LRP1B: variants seen among roughly 807,000 people sequenced by gnomAD.
LRP1B encodes low-density lipoprotein receptor-related protein 1B.
LRP1B carries 217 observed loss-of-function variants against 556.6 expected under a neutral mutation model. That is an observed-to-expected ratio of 0.39 (90% CI 0.35 to 0.44). The LOEUF is 0.44. Among genes scored for constraint, LRP1B ranks in the 20% least tolerant of loss-of-function variants. LRP1B has a pLI of 1.00. For missense variants in LRP1B, 5,053 were observed against 5,620.8 expected, an observed-to-expected ratio of 0.90 and a Z score of 3.23; for synonymous variants, 2,047 against 1,865.8, an observed-to-expected ratio of 1.10 and a Z score of -2.50.
At chr2:141,545,395 G>A (rs1685515498) in intron 2 of LRP1B, among the ~76,000 whole-genome samples, 1 of 152,178 alleles carries the variant, frequency 6.6e-6, no homozygotes, top group African/African-American at 2.4e-5. Flanking sequence ...AAAATAATGG[G>A]CCTTCAAAGA....
intron 57 of LRP1B, among the ~76,000 whole-genome samples, chr2:140,489,975 T>C (rs1431150139): frequency 1.3e-5 from 2 of 152,124 alleles, no homozygotes; most frequent in African/African-American, 4.8e-5. Context: ...TGGTCATTTT[T>C]CTACAGCTTT....
At chr2:141,069,379 C>A (rs4954876) in intron 7 of LRP1B, among the ~76,000 whole-genome samples, 85,230 of 151,802 alleles carry the variant, frequency 0.56, 24,250 homozygotes, top group Non-Finnish European at 0.6. Flanking sequence ...TTTATTTTTT[C>A]TTTTTATCCA....
intron 3 of LRP1B, among the ~76,000 whole-genome samples, chr2:141,456,317 C>A (rs11902970): frequency 1.3e-5 from 2 of 152,096 alleles, no homozygotes; most frequent in African/African-American, 4.8e-5. Context: ...AAATGTCCTG[C>A]CTTGATTTCC....
At chr2:141,883,614 C>G (rs1350508325) in intron 1 of LRP1B, among the ~76,000 whole-genome samples, 1 of 152,002 alleles carries the variant, frequency 6.6e-6, no homozygotes, top group African/African-American at 2.4e-5. Flanking sequence ...GCCTCAGCTA[C>G]AGTGAAGGCT....
chr2:141,510,339 CTTT>C (rs1684081606), intron 2 of LRP1B, among the ~76,000 whole-genome samples: 1 of 151,728 alleles, frequency 6.6e-6, no homozygotes, highest in South Asian at 2.1e-4. Flanking sequence ...TCCTAAAACC[CTTT>C]TTTACACAAA....
intron 23 of LRP1B, among the ~76,000 whole-genome samples, chr2:140,893,018 A>T (rs539722121): frequency 6.6e-6 from 1 of 152,260 alleles, no homozygotes; most frequent in African/African-American, 2.4e-5. Context: ...GAAGAGGGGT[A>T]GGCTTTCGAA....
chr2:140,670,614 G>T (rs1171564391), intron 41 of LRP1B, among the ~76,000 whole-genome samples: 2 of 152,016 alleles, frequency 1.3e-5, no homozygotes, highest in Non-Finnish European at 2.9e-5. Context: ...TTCCCTGAAG[G>T]GTAAAACATA....
At chr2:140,787,597 T>G (rs1689953951) in intron 32 of LRP1B, among the ~76,000 whole-genome samples, 1 of 118,088 alleles carries the variant, frequency 8.5e-6, no homozygotes. Context: ...TTGAGACAGG[T>G]TCTCATTCTG....
At chr2:141,900,376 G>C (rs1291278694) in intron 1 of LRP1B, among the ~76,000 whole-genome samples, 1 of 152,078 alleles carries the variant, frequency 6.6e-6, no homozygotes, top group East Asian at 1.9e-4. Flanking sequence ...AAATTAGCTA[G>C]CTGGTTATAC....
At chr2:141,393,772 A>G (rs1690141930) in intron 3 of LRP1B, among the ~76,000 whole-genome samples, 1 of 152,200 alleles carries the variant, frequency 6.6e-6, no homozygotes, top group Non-Finnish European at 1.5e-5. Flanking sequence ...TGATGACATC[A>G]AAAAGCCCTC....
At chr2:141,517,259 T>TACACACACACACACACACACACACAC (rs71281835) in intron 2 of LRP1B, among the ~76,000 whole-genome samples, 23 of 141,390 alleles carry the variant, frequency 1.6e-4, no homozygotes, top group East Asian at 2.2e-4. Context: ...AGGACAAGAA[T>TACACACACACACACACACACACACAC]ACGCACACAC....
chr2:141,414,115 T>C (rs1314844896), intron 3 of LRP1B, among the ~76,000 whole-genome samples: 2 of 151,402 alleles, frequency 1.3e-5, no homozygotes, highest in Non-Finnish European at 2.9e-5. Context: ...CGGGTGCCTG[T>C]AGTCCCAGCT....
intron 79 of LRP1B, among the ~76,000 whole-genome samples, chr2:140,333,222 A>G (rs6741490): frequency 0.04 from 6,054 of 152,122 alleles, 179 homozygotes; most frequent in African/African-American, 0.077. Flanking sequence ...TCTCTCTTTC[A>G]ATATCCCCCT....
intron 41 of LRP1B, among the ~76,000 whole-genome samples, chr2:140,609,767 C>A (rs569772785): frequency 2.4e-4 from 37 of 152,262 alleles, no homozygotes; most frequent in African/African-American, 8.4e-4. Context: ...CTGATCACTG[C>A]CGTTACCTCT....
rs369651702 is a variant in LRP1B at position 140,350,961 on chromosome 2, C to T, written c.11728G>A (p.Asp3910Asn). 52 of 1,609,506 alleles carry T rather than the reference C, an allele frequency of 3.2e-5. No individual in the cohort carries two copies. In the Middle Eastern group the frequency reaches 9.9e-4, roughly 31 times the overall value. Residue 3910 changes from aspartate to asparagine, a missense_variant, in exon 77 of 91, where the codon GAT (aspartate) becomes AAT (asparagine). Physicochemically the swap from Asp to Asn is conservative, Grantham distance 23 (BLOSUM62 1). Around this residue, in one of 5 missense-constraint regions of LRP1B, gnomAD observed 599 missense variants for 648.4 expected, o/e 0.92. Coordinates refer to ENST00000389484, the MANE Select transcript of LRP1B (RefSeq NM_018557.3). ...GFIYPFNYSG[D>N]HQQISHIEHN... ...TCAATATGAGAAATTTGTTGATGATCGCCACTGTAGTTGAATGGATATATA... is the reference window on the plus strand; with the variant it reads ...TCAATATGAGAAATTTGTTGATGATTGCCACTGTAGTTGAATGGATATATA...
At chr2:140,963,211 C>T (rs1696090432) in intron 18 of LRP1B, among the ~76,000 whole-genome samples, 1 of 150,786 alleles carries the variant, frequency 6.6e-6, no homozygotes, top group Admixed American at 6.6e-5. Context: ...TAATATTAAC[C>T]AATAAAGGAT....
At chr2:140,616,388 A>G (rs531141039) in intron 41 of LRP1B, among the ~76,000 whole-genome samples, 6 of 151,988 alleles carry the variant, frequency 3.9e-5, no homozygotes, top group South Asian at 2.1e-4. Context: ...CTCAATTTAA[A>G]TCGTCTCCTT....
intron 2 of LRP1B, among the ~76,000 whole-genome samples, chr2:141,525,232 T>C (rs2105181241): frequency 6.6e-6 from 1 of 152,190 alleles, no homozygotes; most frequent in South Asian, 2.1e-4. Flanking sequence ...TATGGAAGTC[T>C]TCCTAATAAA....
chr2:141,648,990 T>C (rs1430429780), intron 2 of LRP1B, among the ~76,000 whole-genome samples: 1 of 152,214 alleles, frequency 6.6e-6, no homozygotes, highest in Non-Finnish European at 1.5e-5. Context: ...CTGACCACTA[T>C]GAAGCAACAC....
Sources: gnomAD v4.1 joint callset for allele counts (sites outside exome capture counted in the v4.1 genomes callset) on GRCh38, gnomAD v4.1.1 for gene constraint, gnomAD v4.1.1 regional missense constraint, MANE v1.5 for transcripts, NCBI Gene and HGNC (gene_info 2026-07-23, HGNC 2026-07-21) for gene names.